PDE10A: variants seen among roughly 807,000 people sequenced by gnomAD.
The protein encoded by PDE10A is cAMP and cAMP-inhibited cGMP 3',5'-cyclic phosphodiesterase 10A.
In PDE10A, 39 loss-of-function variants were observed where a neutral mutation model predicts 97.7. That is an observed-to-expected ratio of 0.40 (90% CI 0.31 to 0.52). The LOEUF is 0.52. Ranked by LOEUF, PDE10A falls within the 20% of genes least tolerant of loss-of-function variation. The probability of loss-of-function intolerance (pLI) is 0.56; values close to 1 mark genes in which losing one functional copy is unlikely to be tolerated. For missense variants in PDE10A, 731 were observed against 1,047.8 expected, an observed-to-expected ratio of 0.70 and a Z score of 4.17; for synonymous variants, 371 against 376.8, an observed-to-expected ratio of 0.98 and a Z score of 0.18.
chr6:165,505,700 C>A (rs1469045495), intron 2 of PDE10A, among the ~76,000 whole-genome samples: 1 of 151,890 alleles, frequency 6.6e-6, no homozygotes, highest in African/African-American at 2.4e-5. Flanking sequence ...ATTTTGGGGG[C>A]CTAAATTCTT....
chr6:165,587,299 G>A (rs1352972626), intron 1 of PDE10A, among the ~76,000 whole-genome samples: 1 of 152,164 alleles, frequency 6.6e-6, no homozygotes, highest in Non-Finnish European at 1.5e-5. Flanking sequence ...AGTATATACA[G>A]GGAGAAAGCA....
chr6:165,510,031 C>A (rs1022672798), intron 2 of PDE10A, among the ~76,000 whole-genome samples: 11 of 151,938 alleles, frequency 7.2e-5, no homozygotes, highest in Admixed American at 7.2e-4. Flanking sequence ...GAGGGACAAC[C>A]TGACTTTCTC....
intron 13 of PDE10A, chr6:165,409,546 C>A: frequency 6.2e-6 from 1 of 160,634 alleles, no homozygotes; most frequent in Non-Finnish European, 1.3e-5. Context: ...GAAACTCCAT[C>A]TCAGAAAGAA....
In PDE10A at chr6:165,748,367, G is replaced by C. The variant is rs563584291; in HGVS notation, c.-614-204799C>G. ...CCAATTTACCTAAGGCTTTAGGAAG[G>C]AGGAAGAGTTTCAGTCTGGGTACTG... On this transcript the variant is annotated intron_variant, in intron 1 of 19. Transcript: ENST00000366882. Among the ~76,000 whole-genome samples, 146 of 152,290 alleles carry C rather than the reference G, an allele frequency of 9.6e-4. 2 individuals carry two copies. The highest frequency in any genetic ancestry group is 3.5e-3 in the African/African-American group (146 of 41,568).
In PDE10A at chr6:165,402,093, G is replaced by A. The variant is rs992163084; in HGVS notation, c.2077-5634C>T. Among the ~76,000 whole-genome samples, 16 of 152,168 alleles carry A rather than the reference G, an allele frequency of 1.1e-4. No individual in the cohort carries two copies. In the East Asian group the frequency reaches 1.7e-3, roughly 17 times the overall value. ...GTCACTAATTCTATTGAGCACTTGC[G>A]CCAGGAAGTATGCTAAGTGTTTTGT... On this transcript the variant is annotated intron_variant, in intron 13 of 21. Transcript: ENST00000539869.
At chr6:165,429,609 C>A (rs1245277510) in intron 9 of PDE10A, among the ~76,000 whole-genome samples, 1 of 152,028 alleles carries the variant, frequency 6.6e-6, no homozygotes, top group East Asian at 1.9e-4. Context: ...GGAAAAACTA[C>A]ATTATTCCTT....
At chr6:165,406,927 C>T (rs1276429718) in intron 13 of PDE10A, among the ~76,000 whole-genome samples, 1 of 152,154 alleles carries the variant, frequency 6.6e-6, no homozygotes, top group African/African-American at 2.4e-5. Context: ...TGCACCCCAG[C>T]TTCTCAAGCC....
chr6:165,548,207 A>C (rs574745702), intron 1 of PDE10A, among the ~76,000 whole-genome samples: 1 of 151,864 alleles, frequency 6.6e-6, no homozygotes, highest in South Asian at 2.1e-4. Flanking sequence ...CTAACCATAA[A>C]TACTACTATC....
chr6:165,535,921 A>C (rs1783057018), intron 2 of PDE10A, among the ~76,000 whole-genome samples: 1 of 152,008 alleles, frequency 6.6e-6, no homozygotes, highest in Admixed American at 6.6e-5. Context: ...GATTCAATGC[A>C]ATCTCTCTCA....
At chr6:165,463,419 C>T (rs1273333814) in intron 3 of PDE10A, among the ~76,000 whole-genome samples, 4 of 152,226 alleles carry the variant, frequency 2.6e-5, no homozygotes. Flanking sequence ...GCATCCCAGG[C>T]ACGCCTGAGC....
rs965596222 is a variant in PDE10A, at chr6:165,819,874, G to A, written c.-615+167655C>T. Among the ~76,000 whole-genome samples the A allele has an allele frequency of 6.6e-6, 1 of 152,152 alleles. No individual in the cohort carries two copies. The highest frequency in any genetic ancestry group is 6.5e-5 in the Admixed American group (1 of 15,280). ...TCATCATATTACTACATTGTTGAAT[G>A]TTATTCAGCTCTGTTTGTATGTAAT... On this transcript the variant is annotated intron_variant, in intron 1 of 19. Transcript: ENST00000366882. The surrounding 1 kb of genome is among the most constrained non-coding windows in gnomAD (Gnocchi z 4.2).
At chr6:165,751,759 G>A (rs1385487474) in intron 1 of PDE10A, among the ~76,000 whole-genome samples, 5 of 152,152 alleles carry the variant, frequency 3.3e-5, no homozygotes, top group Admixed American at 2.0e-4. Flanking sequence ...GCAATGACTC[G>A]GAAGTTACCA....
At chr6:165,373,004 G>T (rs1028488934) in intron 18 of PDE10A, among the ~76,000 whole-genome samples, 15 of 146,044 alleles carry the variant, frequency 1.0e-4, no homozygotes, top group African/African-American at 3.6e-4. Flanking sequence ...AATAAATGGT[G>T]CTGGGAAAAC....
chr6:165,723,416 G>A (rs1792213345), intron 1 of PDE10A, among the ~76,000 whole-genome samples: 1 of 152,106 alleles, frequency 6.6e-6, no homozygotes, highest in Admixed American at 6.5e-5. Context: ...TATTTACAAC[G>A]TGACTGTGCT....
chr6:165,704,271 A>G (rs1791652228), intron 1 of PDE10A, among the ~76,000 whole-genome samples: 3 of 152,122 alleles, frequency 2.0e-5, no homozygotes, highest in Admixed American at 2.0e-4. Flanking sequence ...TGCTCCTTCA[A>G]AGAGAGAGGA....
At chr6:165,757,740 A>T (rs1793150211) in intron 1 of PDE10A, among the ~76,000 whole-genome samples, 3 of 152,192 alleles carry the variant, frequency 2.0e-5, no homozygotes, top group African/African-American at 7.2e-5. Flanking sequence ...GAGGTTTTAC[A>T]AGATGTTTTA....
chr6:165,969,599 C>T (rs576808084), intron 1 of PDE10A, among the ~76,000 whole-genome samples: 4 of 151,820 alleles, frequency 2.6e-5, no homozygotes, highest in African/African-American at 9.7e-5. Context: ...TGACCAAAAC[C>T]GCAATTACTT....
intron 18 of PDE10A, among the ~76,000 whole-genome samples, chr6:165,350,807 C>T (rs184224880): frequency 4.6e-5 from 7 of 152,210 alleles, no homozygotes; most frequent in East Asian, 1.9e-4. Flanking sequence ...CTTCCCTCTT[C>T]GCTGGGCACT....
intron 13 of PDE10A, among the ~76,000 whole-genome samples, chr6:165,403,936 A>G (rs1022521616): frequency 1.3e-5 from 2 of 152,188 alleles, no homozygotes; most frequent in African/African-American, 2.4e-5. Flanking sequence ...ATAATGTTCC[A>G]TTGTGTATAA....
Sources: gnomAD v4.1 joint callset for allele counts (sites outside exome capture counted in the v4.1 genomes callset) on GRCh38, gnomAD v4.1.1 for gene constraint, Gnocchi (gnomAD v3.1) non-coding constraint, MANE v1.5 for transcripts, NCBI Gene and HGNC (gene_info 2026-07-23, HGNC 2026-07-21) for gene names.